Variants in LCLAT1 observed in about 807,000 individuals in gnomAD.
The protein encoded by LCLAT1 is 1-AGP acyltransferase 8.
Under a neutral mutation model 30.7 loss-of-function variants are expected in LCLAT1, and 11 were observed. That is an observed-to-expected ratio of 0.36 (90% CI 0.23 to 0.59). LCLAT1 has a LOEUF of 0.59. LCLAT1 is among the 20% of genes least tolerant of loss of function. LCLAT1 has a pLI of 0.77. For synonymous variants in LCLAT1, 155 were observed against 151.3 expected (o/e 1.02, Z -0.18); for missense variants, 402 against 458.6 (o/e 0.88, Z 1.13).
chr2:30,520,053 A>T (rs1685400638), intron 1 of LCLAT1, among the ~76,000 whole-genome samples: 1 of 152,078 alleles, frequency 6.6e-6, no homozygotes, highest in Non-Finnish European at 1.5e-5. Context: ...GTCCTACTCG[A>T]GCTGAACACT....
At chr2:30,521,168 A>G (rs546682758) in intron 1 of LCLAT1, among the ~76,000 whole-genome samples, 1 of 152,360 alleles carries the variant, frequency 6.6e-6, no homozygotes, top group East Asian at 1.9e-4. Context: ...TACAAATGCC[A>G]GGGCAATGTC....
rs573197798 is a variant in LCLAT1, at chr2:30,462,809, C to T, written c.-5+15426C>T. On this transcript the variant is annotated intron_variant, in intron 1 of 5. Transcript: ENST00000379509. ...AAGGAAATTTTAAACTATAAAAGTT[C>T]AAAAATTTTTTGGTAGTAGAACATG... 2.0e-5 allele frequency among the ~76,000 whole-genome samples: 3 copies of T among 152,128 alleles called. No homozygotes were observed. The South Asian group carries it at 6.2e-4, about 32-fold the overall frequency.
intron 1 of LCLAT1, among the ~76,000 whole-genome samples, chr2:30,473,823 C>G (rs934518388): frequency 6.6e-6 from 1 of 152,136 alleles, no homozygotes; most frequent in Non-Finnish European, 1.5e-5. Flanking sequence ...GTTCTGAAAC[C>G]TGGTTTCCTA....
chr2:30,510,108 C>G (rs1378592937), intron 1 of LCLAT1, among the ~76,000 whole-genome samples: 1 of 152,080 alleles, frequency 6.6e-6, no homozygotes, highest in Non-Finnish European at 1.5e-5. Flanking sequence ...GAATTTGGAC[C>G]GAATGCCTTC....
chr2:30,449,985 A>G (rs1481702019), intron 1 of LCLAT1, among the ~76,000 whole-genome samples: 1 of 152,312 alleles, frequency 6.6e-6, no homozygotes, highest in East Asian at 1.9e-4. Flanking sequence ...AGGATGAGTA[A>G]AAGTGGCTAG....
intron 5 of LCLAT1, among the ~76,000 whole-genome samples, chr2:30,587,040 C>T (rs898750459): frequency 3.3e-5 from 5 of 152,224 alleles, no homozygotes; most frequent in Middle Eastern, 3.4e-3. Flanking sequence ...TCTTAGATTC[C>T]GCTAAACCTG....
At chr2:30,617,882 A>C (rs1668070131) in intron 5 of LCLAT1, among the ~76,000 whole-genome samples, 1 of 152,170 alleles carries the variant, frequency 6.6e-6, no homozygotes, top group African/African-American at 2.4e-5. Context: ...TATATATCTT[A>C]GATACAAGTT....
rs139594786 is a variant in LCLAT1 at position 30,595,826 on chromosome 2, G to C, written c.628+27650G>C. 7.0e-3 allele frequency among the ~76,000 whole-genome samples: 1,068 copies of C among 152,164 alleles called. 12 individuals are homozygous for C. Among genetic ancestry groups the C allele is most frequent in the African/African-American group, 0.025 (1,028 of 41,516 alleles). On this transcript the variant is annotated intron_variant, in intron 5 of 5. Coordinates refer to ENST00000379509, the MANE Select transcript of LCLAT1 (RefSeq NM_001002257.3). The stretch of plus-strand genomic sequence containing the variant: ...CACGGCAGGCCCCAGTGTGTGTTCT[G>C]TGTTGTTCCCCTAACTATGTCCATA...
At chr2:30,564,129 G>A (rs950972056) in intron 4 of LCLAT1, among the ~76,000 whole-genome samples, 1 of 151,938 alleles carries the variant, frequency 6.6e-6, no homozygotes, top group Admixed American at 6.6e-5. Flanking sequence ...ATTATCATTA[G>A]GAAATTATAA....
intron 1 of LCLAT1, among the ~76,000 whole-genome samples, chr2:30,494,550 A>G (rs569775249): frequency 1.3e-5 from 1 of 75,176 alleles, no homozygotes; most frequent in South Asian, 3.9e-4. Context: ...ATGCATACAC[A>G]CACGCATACG....
chr2:30,547,472 G>A (rs1664478326), intron 3 of LCLAT1, among the ~76,000 whole-genome samples: 1 of 152,152 alleles, frequency 6.6e-6, no homozygotes, highest in Admixed American at 6.5e-5. Flanking sequence ...GAAAATACCA[G>A]ATACTGGCTT....
At chr2:30,541,381 G>T (rs1032999206) in intron 3 of LCLAT1, among the ~76,000 whole-genome samples, 2 of 151,874 alleles carry the variant, frequency 1.3e-5, no homozygotes, top group African/African-American at 4.8e-5. Context: ...AGCAGAGTGT[G>T]ACCCTGTCTC....
intron 5 of LCLAT1, among the ~76,000 whole-genome samples, chr2:30,613,075 G>T (rs911435851): frequency 6.6e-6 from 1 of 152,144 alleles, no homozygotes; most frequent in East Asian, 1.9e-4. Flanking sequence ...GAACAATAAC[G>T]TGCCTGAGAT....
At chr2:30,532,046 T>C (rs532448194) in intron 2 of LCLAT1, among the ~76,000 whole-genome samples, 1 of 152,314 alleles carries the variant, frequency 6.6e-6, no homozygotes, top group East Asian at 1.9e-4. Context: ...TTCTTGTTCT[T>C]TATAATTTTA....
At chr2:30,517,634 T>A (rs1019021499) in intron 1 of LCLAT1, among the ~76,000 whole-genome samples, 1 of 152,080 alleles carries the variant, frequency 6.6e-6, no homozygotes, top group Non-Finnish European at 1.5e-5. Flanking sequence ...ATTCCTATAG[T>A]GGCAAATGGG....
At chr2:30,476,009 AGTC>A (rs1441250230) in intron 1 of LCLAT1, among the ~76,000 whole-genome samples, 2 of 152,202 alleles carry the variant, frequency 1.3e-5, no homozygotes, top group Non-Finnish European at 2.9e-5. Flanking sequence ...ATAAACCAGT[AGTC>A]GTCAGCCAAT....
chr2:30,637,759 G>A (rs1173556248), intron 5 of LCLAT1, among the ~76,000 whole-genome samples: 1 of 152,126 alleles, frequency 6.6e-6, no homozygotes, highest in Non-Finnish European at 1.5e-5. Context: ...TGTATTTTTA[G>A]TAGAGATGGG....
chr2:30,525,575 T>G lies in LCLAT1; in HGVS notation c.-4-12T>G. ...TATAGTAACAAAATATATCCTTTTT[T>G]ATATCTTTCAGAATCATGGTGTCAT... On this transcript the variant is annotated splice_polypyrimidine_tract_variant and intron_variant, in intron 1 of 5. Coordinates refer to ENST00000379509, the MANE Select transcript of LCLAT1 (RefSeq NM_001002257.3). 6.2e-7 allele frequency: 1 copy of G among 1,604,686 alleles called. No individual in the cohort carries two copies. Among genetic ancestry groups the G allele is most frequent in the Non-Finnish European group, 8.5e-7 (1 of 1,172,088 alleles).
chr2:30,490,199 ATTT>A (rs772695376), intron 1 of LCLAT1, among the ~76,000 whole-genome samples: 1 of 121,448 alleles, frequency 8.2e-6, no homozygotes, highest in Non-Finnish European at 1.7e-5. Context: ...GGCTACTCTG[ATTT>A]TTTTTTTTTT....
Sources: gnomAD v4.1 joint callset for allele counts (sites outside exome capture counted in the v4.1 genomes callset) on GRCh38, gnomAD v4.1.1 for gene constraint, MANE v1.5 for transcripts, NCBI Gene and HGNC (gene_info 2026-07-23, HGNC 2026-07-21) for gene names.